The following ERG variants were observed in gnomAD, a reference collection of about 807,000 sequenced individuals.
ERG encodes ETS transcription factor ERG.
A neutral mutation model predicts 55.3 loss-of-function variants in ERG; 9 were observed. The observed-to-expected ratio is 0.16, with a 90% CI of 0.10 to 0.28. ERG has a LOEUF of 0.28. ERG is among the 10% of genes least tolerant of loss of function. The pLI is 1.00. For synonymous variants in ERG, 223 were observed against 237.3 expected, an observed-to-expected ratio of 0.94 and a Z score of 0.55; for missense variants, 434 against 631.6, an observed-to-expected ratio of 0.69 and a Z score of 3.35.
rs988427356 is a variant in ERG at position 38,605,841 on chromosome 21, T to C, written c.-149-20896A>G. Among the ~76,000 whole-genome samples the C allele has an allele frequency of 2.6e-5, 4 of 152,028 alleles. No homozygotes were observed. The East Asian group carries it at 7.7e-4, about 29-fold the overall frequency. On this transcript the variant is annotated intron_variant, in intron 1 of 10. Transcript: ENST00000398910. ...GCAGCCCAGATAGATGATAGATAGATGATAGAAAGATAGATAGATAATAGC... is the reference window on the plus strand; with the variant it reads ...GCAGCCCAGATAGATGATAGATAGACGATAGAAAGATAGATAGATAATAGC...
intron 1 of ERG, among the ~76,000 whole-genome samples, chr21:38,640,173 A>G (rs1193149034): frequency 6.6e-6 from 1 of 152,226 alleles, no homozygotes; most frequent in Non-Finnish European, 1.5e-5. Context: ...AAAATCAATG[A>G]AAAATCAATT....
chr21:38,511,698 T>C (rs145637821), intron 2 of ERG, among the ~76,000 whole-genome samples: 1 of 152,296 alleles, frequency 6.6e-6, no homozygotes, highest in Non-Finnish European at 1.5e-5. Flanking sequence ...TTGGTACACT[T>C]GTGATACAAC....
At chr21:38,599,171 G>T (rs935527963) in intron 1 of ERG, among the ~76,000 whole-genome samples, 19 of 152,244 alleles carry the variant, frequency 1.2e-4, no homozygotes, top group African/African-American at 4.1e-4. Context: ...AGGCCATGGG[G>T]GGGCACACTG....
intron 2 of ERG, among the ~76,000 whole-genome samples, chr21:38,541,252 T>A (rs1472539076): frequency 1.3e-5 from 2 of 152,210 alleles, no homozygotes; most frequent in East Asian, 3.9e-4. Context: ...AGAGGCTTCA[T>A]TCAAATCAAA....
intron 1 of ERG, among the ~76,000 whole-genome samples, chr21:38,487,581 A>T: frequency 6.6e-6 from 1 of 152,212 alleles, no homozygotes; most frequent in Non-Finnish European, 1.5e-5. Context: ...AGCATCACCC[A>T]AATGTGGTTC....
At chr21:38,660,737 A>ACG (rs1324199448) in intron 1 of ERG, 1 of 151,512 alleles carries the variant, frequency 6.6e-6, no homozygotes, top group Non-Finnish European at 1.5e-5. Flanking sequence ...GGCCGCCCCG[A>ACG]CGCGCGACTT....
Position 38,504,708 on chromosome 21 carries a change from C to A in ERG, c.-41+70954G>T, listed in dbSNP as rs1260209237. 4.6e-5 allele frequency among the ~76,000 whole-genome samples: 7 copies of A among 152,302 alleles called. No homozygotes were observed. The South Asian group carries it at 1.5e-3, about 32-fold the overall frequency. On this transcript the variant is annotated intron_variant, in intron 2 of 8. Coordinates refer to the ERG transcript ENST00000398897. ...AGCATCTGACTGGCATCCCACTCTA[C>A]CCCCGACTCAGATCCAAAGTATCCT... is the stretch of plus-strand genomic sequence containing the variant.
intron 9 of ERG, among the ~76,000 whole-genome samples, chr21:38,387,075 G>A (rs1987724203): frequency 6.6e-6 from 1 of 150,520 alleles, no homozygotes; most frequent in African/African-American, 2.5e-5. Context: ...CAAAAAAGGG[G>A]GAAAAAAAAA....
intron 1 of ERG, among the ~76,000 whole-genome samples, chr21:38,496,070 T>A (rs1174521210): frequency 6.6e-6 from 1 of 152,200 alleles, no homozygotes; most frequent in Non-Finnish European, 1.5e-5. Context: ...TTCCTTTACT[T>A]CTTCCAATTG....
chr21:38,519,366 G>A (rs1018425534), intron 2 of ERG, among the ~76,000 whole-genome samples: 1 of 152,186 alleles, frequency 6.6e-6, no homozygotes, highest in Non-Finnish European at 1.5e-5. Flanking sequence ...AGGCCTACAA[G>A]GGCAAGGGAG....
chr21:38,400,728 C>A, intron 5 of ERG, 83 bp from the exon 6 acceptor site: 1 of 1,072,574 alleles, frequency 9.3e-7, no homozygotes, highest in South Asian at 1.5e-5. Context: ...TCTACTTTTC[C>A]CTATGACAAC....
intron 2 of ERG, among the ~76,000 whole-genome samples, chr21:38,565,900 T>C (rs2059920020): frequency 6.6e-6 from 1 of 152,290 alleles, no homozygotes; most frequent in South Asian, 2.1e-4. Context: ...AATGATTAGA[T>C]TGAAATTGGA....
rs145785193 is a variant in ERG at position 38,519,412 on chromosome 21, G to A, written c.-41+56250C>T. On this transcript the variant is annotated intron_variant, in intron 2 of 8. Coordinates refer to the ERG transcript ENST00000398897. ...CGCAGCACCGGTAGCTGTGAACACAGGAGAGGATAAACAATAGGAGCTGTG... is the reference window on the plus strand; with the variant it reads ...CGCAGCACCGGTAGCTGTGAACACAAGAGAGGATAAACAATAGGAGCTGTG... Among the ~76,000 whole-genome samples, 21 of 152,306 alleles carry A rather than the reference G, an allele frequency of 1.4e-4. No individual in the cohort carries two copies. The East Asian group carries it at 2.9e-3, about 21-fold the overall frequency.
intron 2 of ERG, among the ~76,000 whole-genome samples, chr21:38,548,772 G>T (rs551669298): frequency 1.4e-5 from 2 of 147,186 alleles, no homozygotes; most frequent in East Asian, 2.1e-4. Flanking sequence ...CCAGTCATAT[G>T]ATTTCTAAAG....
intron 1 of ERG, among the ~76,000 whole-genome samples, chr21:38,576,924 C>T (rs1366188808): frequency 6.6e-6 from 1 of 152,216 alleles, no homozygotes; most frequent in Non-Finnish European, 1.5e-5. Context: ...ACCTGGTCCC[C>T]AGCCAGTCTC....
At chr21:38,635,805 C>T (rs531586912) in intron 1 of ERG, among the ~76,000 whole-genome samples, 1 of 152,296 alleles carries the variant, frequency 6.6e-6, no homozygotes, top group Admixed American at 6.5e-5. Context: ...TATGTCCAAA[C>T]ATAGCTGACC....
chr21:38,656,888 T>TC (rs1245835703), intron 1 of ERG, among the ~76,000 whole-genome samples: 2 of 152,178 alleles, frequency 1.3e-5, no homozygotes, highest in Non-Finnish European at 2.9e-5. Context: ...GAGACAGCTT[T>TC]TCCCCCCCGA....
At chr21:38,507,980 C>CACAT (rs2059477548) in intron 2 of ERG, among the ~76,000 whole-genome samples, 1 of 324 alleles carries the variant, frequency 3.1e-3, no homozygotes, top group Non-Finnish European at 6.4e-3. Flanking sequence ...CACACAGAGA[C>CACAT]ACACAGACAC....
At chr21:38,418,088 C>A (rs1250457767) in intron 3 of ERG, among the ~76,000 whole-genome samples, 5 of 151,954 alleles carry the variant, frequency 3.3e-5, no homozygotes, top group Non-Finnish European at 5.9e-5. Context: ...TGTCTACTTG[C>A]CTTTTCTAAA....
Sources: gnomAD v4.1 joint callset for allele counts (sites outside exome capture counted in the v4.1 genomes callset) on GRCh38, gnomAD v4.1.1 for gene constraint, MANE v1.5 for transcripts, NCBI Gene and HGNC (gene_info 2026-07-23, HGNC 2026-07-21) for gene names.